The following FASTKD1 variants were observed in gnomAD, a reference collection of about 807,000 sequenced individuals.
The protein encoded by FASTKD1 is FAST kinase domains 1, also known as FAST kinase domain-containing protein 1, mitochondrial.
FASTKD1 carries 94 observed loss-of-function variants against 90.9 expected under a neutral mutation model. That is an observed-to-expected ratio of 1.03 (90% CI 0.88 to 1.23). FASTKD1 has a LOEUF of 1.23. Ranked by LOEUF, FASTKD1 falls within the 50% of genes most tolerant of loss-of-function variation. The pLI, the probability that FASTKD1 is intolerant of heterozygous loss-of-function variation, is 0.00. For missense variants in FASTKD1, 945 were observed against 993.5 expected, an observed-to-expected ratio of 0.95 and a Z score of 0.66; for synonymous variants, 319 against 345.8, an observed-to-expected ratio of 0.92 and a Z score of 0.86.
intron 12 of FASTKD1, among the ~76,000 whole-genome samples, chr2:169,532,041 T>G (rs551463968): frequency 3.0e-4 from 45 of 152,282 alleles, no homozygotes; most frequent in African/African-American, 1.1e-3. Context: ...ACTGCTAAAA[T>G]CAGCAGGTGA....
chr2:169,532,519 C>T lies in FASTKD1; in HGVS notation c.2189-1029G>A, dbSNP rs117984538. On this transcript the variant is annotated intron_variant, in intron 12 of 14. Coordinates refer to ENST00000453153, the MANE Select transcript of FASTKD1 (RefSeq NM_024622.6). ...TGAAGTTTTTGGCCAAAAAGAAAAACCTAAAAAAAAAACCTAAAATCTAAT... is the reference window on the plus strand; with the variant it reads ...TGAAGTTTTTGGCCAAAAAGAAAAATCTAAAAAAAAAACCTAAAATCTAAT... Among the ~76,000 whole-genome samples, 388 of 150,178 alleles carry T rather than the reference C, an allele frequency of 2.6e-3. 17 individuals carry two copies. In the East Asian group the frequency reaches 0.062, roughly 24 times the overall value.
Position 169,566,194 on chromosome 2 carries a change from A to G in FASTKD1, c.447-2844T>C, listed in dbSNP as rs139235359. ...CTCAGCCTTCTGAGTAGCTGAAACT[A>G]CAAGCGTGTGCCACCACGCCCAGCT... On this transcript the variant is annotated intron_variant, in intron 3 of 14. Transcript: ENST00000453153. Among the ~76,000 whole-genome samples, 387 of 152,258 alleles carry G rather than the reference A, an allele frequency of 2.5e-3. 5 individuals carry two copies. The highest frequency in any genetic ancestry group is 3.4e-3 in the Middle Eastern group (1 of 294).
chr2:169,557,120 TC>T, intron 6 of FASTKD1, 66 bp downstream of exon 6: 1 of 1,014,946 alleles, frequency 9.9e-7, no homozygotes, highest in African/African-American at 1.6e-5. Context: ...AAACCATTTT[TC>T]CTTAGAAAAA....
chr2:169,537,134 CA>C, intron 12 of FASTKD1, 92 bp downstream of exon 12: 1 of 789,294 alleles, frequency 1.3e-6, no homozygotes, highest in Non-Finnish European at 2.0e-6. Context: ...GAAAAAAATT[CA>C]AAAAACTTTA....
chr2:169,561,212 C>T (rs905092777), intron 4 of FASTKD1, among the ~76,000 whole-genome samples: 11 of 150,888 alleles, frequency 7.3e-5, no homozygotes, highest in South Asian at 2.1e-4. Context: ...GCAGGAAAAT[C>T]GCTTGAACCC....
At chr2:169,568,099 GAATT>G (rs2105437993) in intron 3 of FASTKD1, among the ~76,000 whole-genome samples, 1 of 152,252 alleles carries the variant, frequency 6.6e-6, no homozygotes, top group Admixed American at 6.5e-5. Flanking sequence ...AAATATATCT[GAATT>G]AATACTGTCC....
chr2:169,561,257 G>A (rs530870284), intron 4 of FASTKD1, among the ~76,000 whole-genome samples: 3 of 151,428 alleles, frequency 2.0e-5, no homozygotes, highest in African/African-American at 7.3e-5. Context: ...ACTCCAGTCA[G>A]GGAAACAGAG....
chr2:169,529,947 T>C, intron 14 of FASTKD1, 21 bp from the exon 15 acceptor site: 1 of 1,553,928 alleles, frequency 6.4e-7, no homozygotes, highest in Non-Finnish European at 8.8e-7. Flanking sequence ...GTAATGTTGT[T>C]TGAATGAAAG....
chr2:169,559,338 T>G (rs1440207690), intron 5 of FASTKD1, among the ~76,000 whole-genome samples: 1 of 152,180 alleles, frequency 6.6e-6, no homozygotes, highest in Non-Finnish European at 1.5e-5. Context: ...ATGATACAGA[T>G]TCCCCTATTG....
At chr2:169,554,376 C>T (rs942334893) in intron 7 of FASTKD1, among the ~76,000 whole-genome samples, 1 of 141,962 alleles carries the variant, frequency 7.0e-6, no homozygotes, top group African/African-American at 2.6e-5. Context: ...CATGAAAACA[C>T]TTTTTCGCTG....
chr2:169,555,000 A>G (rs1445110006), intron 7 of FASTKD1, 124 bp downstream of exon 7: 28 of 868,094 alleles, frequency 3.2e-5, no homozygotes, highest in Non-Finnish European at 4.8e-5. Context: ...GTGTCTTAAC[A>G]TTTTTACTAA....
At chr2:169,561,634 T>C (rs1683604738) in intron 4 of FASTKD1, among the ~76,000 whole-genome samples, 1 of 150,536 alleles carries the variant, frequency 6.6e-6, no homozygotes, top group South Asian at 2.1e-4. Flanking sequence ...AAAAAAGACA[T>C]AATTGTATGT....
At chr2:169,550,458 T>C (rs947971975) in intron 7 of FASTKD1, among the ~76,000 whole-genome samples, 1 of 152,138 alleles carries the variant, frequency 6.6e-6, no homozygotes, top group African/African-American at 2.4e-5. Flanking sequence ...ATAATTTTTA[T>C]TTTCTTCTTT....
chr2:169,542,484 C>T (rs561363049), intron 9 of FASTKD1, among the ~76,000 whole-genome samples: 1 of 152,374 alleles, frequency 6.6e-6, no homozygotes, highest in East Asian at 1.9e-4. Context: ...TTTCCTGTCT[C>T]TGCTGTCCTC....
In FASTKD1 at chr2:169,557,276, C is replaced by A. The variant is rs775096384; in HGVS notation, c.993G>T (p.Leu331Phe). The A allele has an allele frequency of 1.9e-6, 3 of 1,590,930 alleles. No homozygotes were observed. Among genetic ancestry groups the A allele is most frequent in the Admixed American group, 1.8e-5 (1 of 56,874 alleles). Residue 331 changes from leucine (L) to phenylalanine (F), a missense_variant, in exon 6 of 15, where the codon TTG becomes TTT. Leu to Phe is a conservative substitution (Grantham distance 22). Transcript: ENST00000453153. ...EKKQLKSTML[L>F]MSEDLTGEQA... ...GCTCGCCAGTTAGGTCCTCTGACAT[C>A]AATAACATAGTTGATTTAAGTCTAG...
chr2:169,547,569 A>G (rs1685260385), intron 7 of FASTKD1, among the ~76,000 whole-genome samples: 2 of 152,194 alleles, frequency 1.3e-5, no homozygotes, highest in Admixed American at 1.3e-4. Flanking sequence ...TATATATAAC[A>G]TCACAGGTGG....
Position 169,530,713 on chromosome 2 carries a change from A to T in FASTKD1, c.2328-12T>A, listed in dbSNP as rs202119967. On this transcript the variant is annotated splice_polypyrimidine_tract_variant and intron_variant, in intron 13 of 14. Coordinates refer to ENST00000453153, the MANE Select transcript of FASTKD1 (RefSeq NM_024622.6). ...ATTCCAAAGCAATCCTACATAAAAT[A>T]AAAAAATATTTACTCCTAAAATCAG... 4.3e-4 allele frequency: 599 copies of T among 1,386,432 alleles called. 1 individual carries two copies. In the African/African-American group the frequency reaches 7.5e-3, roughly 17 times the overall value. 85.9% of individuals were successfully genotyped at this position (1,386,432 alleles called of 1,614,324 possible). A position where few individuals can be genotyped will look rare whatever the true frequency, so the allele number is the denominator to read the frequency against.
Position 169,531,567 on chromosome 2 carries a change from T to C in FASTKD1, c.2189-77A>G, listed in dbSNP as rs1006545836. 6.3e-6 allele frequency: 7 copies of C among 1,103,968 alleles called. No individual in the cohort carries two copies. In the African/African-American group the frequency reaches 8.0e-5, roughly 13 times the overall value. The allele number at this position is 1,103,968 out of a possible 1,614,324, so 68.4% of individuals were successfully genotyped here. On this transcript the variant is annotated intron_variant, in intron 12 of 14. Transcript: ENST00000453153. ...AAAAGTTTAAGATATATTTGAAATA[T>C]ATATGCATATAATATTTGTACACAC... is the stretch of plus-strand genomic sequence containing the variant.
Position 169,529,662 on chromosome 2 carries a change from C to A in FASTKD1, c.*163G>T. The A allele has an allele frequency of 1.7e-6, 1 of 580,498 alleles. No individual in the cohort carries two copies. The highest frequency in any genetic ancestry group is 3.1e-6 in the Non-Finnish European group (1 of 322,092). The allele number at this position is 580,498 out of a possible 1,614,324, so 36.0% of individuals were successfully genotyped here. A position where few individuals can be genotyped will look rare whatever the true frequency, so the allele number is the denominator to read the frequency against. ...TTCTCTTATACACTCCCACCCCACT[C>A]CCCACTTGTTCTGCTCCAGCCACAC... On this transcript the variant is annotated 3_prime_UTR_variant, in exon 15 of 15. Coordinates refer to ENST00000453153, the MANE Select transcript of FASTKD1 (RefSeq NM_024622.6).
Sources: allele counts gnomAD v4.1 joint callset (sites outside exome capture counted in the v4.1 genomes callset), GRCh38; gene constraint gnomAD v4.1.1; transcripts MANE v1.5; gene names NCBI Gene and HGNC (gene_info 2026-07-23, HGNC 2026-07-21).